Variants in SPATC1 observed in about 807,000 individuals in gnomAD.
SPATC1 encodes the protein speriolin.
A neutral mutation model predicts 36.5 loss-of-function variants in SPATC1; 35 were observed. The observed-to-expected ratio is 0.96, with a 90% CI of 0.73 to 1.27. SPATC1 has a LOEUF of 1.27. SPATC1 is among the 50% of genes most tolerant of loss of function. The pLI is 0.00. For missense variants in SPATC1, 779 were observed against 796.0 expected (o/e 0.98, Z 0.26); for synonymous variants, 361 against 353.6 (o/e 1.02, Z -0.24).
intron 1 of SPATC1, among the ~76,000 whole-genome samples, chr8:144,025,207 C>A (rs1252953255): frequency 6.6e-6 from 1 of 152,348 alleles, no homozygotes; most frequent in African/African-American, 2.4e-5. Flanking sequence ...TTAGCACCCT[C>A]TCCCTTCAGG....
rs1554755716 is a variant in SPATC1, at chr8:144,040,587, C to T, written c.786C>T (p.Pro262=). The change falls in exon 3 of 5, where the codon CCC becomes CCT. Residue 262 remains proline, a synonymous_variant. Transcript: ENST00000377470. The stretch of plus-strand genomic sequence containing the variant: ...CACTAGTCCCACTCTCCACTGAGCC[C>T]CCCCAGTCGACCCAGGACCCAGAGC... ...ATTKVPLSTE[P]PQSTQDPEPL... 1.3e-6 allele frequency: 2 copies of T among 1,598,154 alleles called. No homozygotes were observed. The highest frequency in any genetic ancestry group is 1.1e-5 in the South Asian group (1 of 88,670).
At chr8:144,013,776 C>T (rs536577062) in intron 1 of SPATC1, among the ~76,000 whole-genome samples, 22 of 151,650 alleles carry the variant, frequency 1.5e-4, no homozygotes, top group African/African-American at 5.3e-4. Flanking sequence ...GCCAACATGG[C>T]GAAACGCCAT....
At chr8:144,011,906 A>C (rs1834287733), upstream of SPATC1, among the ~76,000 whole-genome samples, 1 of 152,180 alleles carries the variant, frequency 6.6e-6, no homozygotes, top group Admixed American at 6.5e-5. The surrounding 1 kb of genome is among the most constrained non-coding windows in gnomAD (Gnocchi z 4.5). Flanking sequence ...CCTTCAAGAC[A>C]CAGCAACCAG....
chr8:144,014,352 AAAGG>A (rs546683330), intron 1 of SPATC1, among the ~76,000 whole-genome samples: 18 of 151,130 alleles, frequency 1.2e-4, no homozygotes, highest in South Asian at 4.2e-4. Flanking sequence ...AAAGAAAGGG[AAAGG>A]AAGGAAGGAA....
rs1331508589 is a variant in SPATC1, at chr8:144,045,433, C to T, written c.1447-1194C>T. Among the ~76,000 whole-genome samples, 2 of 152,170 alleles carry T rather than the reference C, an allele frequency of 1.3e-5. No homozygotes were observed. The highest frequency in any genetic ancestry group is 2.9e-5 in the Non-Finnish European group (2 of 68,034). The stretch of plus-strand genomic sequence containing the variant: ...GGTACCCTGCGCCTGGAGCCTTCCC[C>T]GAGGGGTGGTGCCTGAACAGCTTGT... On this transcript the variant is annotated intron_variant, in intron 4 of 4. Coordinates refer to ENST00000377470, the MANE Select transcript of SPATC1 (RefSeq NM_198572.3). This position sits in a 1 kb window ranked among gnomAD's most constrained non-coding sequence, Gnocchi z 5.2.
intron 1 of SPATC1, among the ~76,000 whole-genome samples, chr8:144,015,206 AT>A (rs202062443): frequency 2.4e-3 from 335 of 141,252 alleles, no homozygotes; most frequent in Admixed American, 3.1e-3. Context: ...CTCCTGGCTA[AT>A]TTTTTTTTTT....
In SPATC1 at chr8:144,047,032, G is replaced by A. The variant is rs540241331; in HGVS notation, c.*76G>A. The A allele has an allele frequency of 1.9e-5, 28 of 1,502,710 alleles. No individual in the cohort carries two copies. The highest frequency in any genetic ancestry group is 1.3e-4 in the Admixed American group (7 of 52,204). 93.1% of individuals were successfully genotyped at this position (1,502,710 alleles called of 1,614,324 possible). On this transcript the variant is annotated 3_prime_UTR_variant, in exon 5 of 5. Coordinates refer to ENST00000377470, the MANE Select transcript of SPATC1 (RefSeq NM_198572.3). This position sits in a 1 kb window ranked among gnomAD's most constrained non-coding sequence, Gnocchi z 4.1. Reference sequence around the variant, plus strand: ...GCCATTAAAGCTTCCCACAGACACTGGTCGCTGGGCCTGTGCCAGCGCTCC... The same window carrying A: ...GCCATTAAAGCTTCCCACAGACACTAGTCGCTGGGCCTGTGCCAGCGCTCC...
At chr8:144,028,703 G>A (rs1433891895) in intron 1 of SPATC1, among the ~76,000 whole-genome samples, 1 of 152,142 alleles carries the variant, frequency 6.6e-6, no homozygotes, top group Non-Finnish European at 1.5e-5. Context: ...CCATTACTGG[G>A]TATATACCCA....
In SPATC1 at chr8:144,041,271, T is replaced by G; in HGVS notation, c.1346T>G (p.Ile449Ser). 6.2e-7 allele frequency: 1 copy of G among 1,613,020 alleles called. No individual in the cohort carries two copies. The highest frequency in any genetic ancestry group is 8.5e-7 in the Non-Finnish European group (1 of 1,179,980). ...GCCTGGGAGAGGCTGGTGGGTGAGA[T>G]TGCCTTCCAGCTGGACCGCAGGATC... ...QLAWERLVGE[I>S]AFQLDRRILS... is the part of the protein sequence containing the mutation. The change falls in exon 4 of 5, where the codon ATT (isoleucine) becomes AGT (serine). Residue 449 changes from isoleucine (I) to serine (S), a missense_variant. Ile to Ser is a moderately radical substitution (Grantham distance 142). Coordinates refer to ENST00000377470, the MANE Select transcript of SPATC1 (RefSeq NM_198572.3).
At chr8:144,032,647 A>T (rs911263086) in intron 1 of SPATC1, among the ~76,000 whole-genome samples, 15 of 152,148 alleles carry the variant, frequency 9.9e-5, no homozygotes, top group Admixed American at 6.5e-4. Context: ...TGGAAATAAG[A>T]TTATTCCTCC....
chr8:144,019,358 G>T (rs1198064416), intron 1 of SPATC1, among the ~76,000 whole-genome samples: 1 of 152,214 alleles, frequency 6.6e-6, no homozygotes, highest in Non-Finnish European at 1.5e-5. Flanking sequence ...ATCTGGAGAG[G>T]CTCAGAGACC....
chr8:144,012,858 A>G (rs1834307917), intron 1 of SPATC1, 132 bp downstream of exon 1: 1 of 902,182 alleles, frequency 1.1e-6, no homozygotes, highest in Middle Eastern at 3.3e-4. Context: ...GCTCTAACAC[A>G]CTCAGCTCAC....
chr8:144,013,874 T>C (rs1037615939), intron 1 of SPATC1, among the ~76,000 whole-genome samples: 2 of 152,208 alleles, frequency 1.3e-5, no homozygotes. Flanking sequence ...GAGAATCACT[T>C]GAACCTGAGA....
At chr8:144,042,311 A>ATATATATTT (rs1412021347) in intron 4 of SPATC1, among the ~76,000 whole-genome samples, 9 of 23,882 alleles carry the variant, frequency 3.8e-4, no homozygotes, top group Non-Finnish European at 5.1e-4. Context: ...ATATATATAT[A>ATATATATTT]TTTTTTTTTT....
At chr8:144,015,167 G>A (rs1834358523) in intron 1 of SPATC1, among the ~76,000 whole-genome samples, 1 of 151,434 alleles carries the variant, frequency 6.6e-6, no homozygotes, top group South Asian at 2.1e-4. Context: ...AGCCTCCTGA[G>A]TAGCTGGGAT....
intron 1 of SPATC1, among the ~76,000 whole-genome samples, chr8:144,029,430 TGTG>T (rs1336752252): frequency 6.6e-6 from 1 of 151,608 alleles, no homozygotes; most frequent in Non-Finnish European, 1.5e-5. Context: ...ATCTGACAAG[TGTG>T]GTGTGTGCCT....
intron 1 of SPATC1, among the ~76,000 whole-genome samples, chr8:144,025,791 T>C (rs1050232213): frequency 6.6e-6 from 1 of 152,148 alleles, no homozygotes; most frequent in Non-Finnish European, 1.5e-5. Context: ...GGGCATATGC[T>C]CCTCATGGTC....
intron 4 of SPATC1, among the ~76,000 whole-genome samples, chr8:144,044,496 G>C (rs1835205979): frequency 6.7e-6 from 1 of 149,156 alleles, no homozygotes; most frequent in Admixed American, 6.7e-5. Context: ...TTTTAGTAAA[G>C]ACGGGGTTTC....
At chr8:144,012,132 C>T (rs1170541901), upstream of SPATC1, among the ~76,000 whole-genome samples, 2 of 152,200 alleles carry the variant, frequency 1.3e-5, no homozygotes, top group Non-Finnish European at 2.9e-5. Flanking sequence ...GGAGCTAGCA[C>T]GGAACTGGAA....
Sources: allele counts gnomAD v4.1 joint callset (sites outside exome capture counted in the v4.1 genomes callset), GRCh38; gene constraint gnomAD v4.1.1; non-coding constraint Gnocchi (gnomAD v3.1); transcripts MANE v1.5; gene names NCBI Gene and HGNC (gene_info 2026-07-23, HGNC 2026-07-21).